STOX2: variants seen among roughly 807,000 people sequenced by gnomAD.
The protein encoded by STOX2 is storkhead-box protein 2.
STOX2 carries 28 observed loss-of-function variants against 60.9 expected under a neutral mutation model. The ratio of observed to expected loss-of-function variants is 0.46; its 90% confidence interval spans 0.34 to 0.63. The LOEUF (loss-of-function observed/expected upper bound fraction) is 0.63. STOX2 is among the 30% of genes least tolerant of loss of function. STOX2 has a pLI of 0.01. For synonymous variants in STOX2, 472 were observed against 463.9 expected, an observed-to-expected ratio of 1.02 and a Z score of -0.22; for missense variants, 1,024 against 1,187.7, an observed-to-expected ratio of 0.86 and a Z score of 2.03.
At chr4:183,860,026 T>C (rs1204831863) in intron 1 of STOX2, among the ~76,000 whole-genome samples, 1 of 152,240 alleles carries the variant, frequency 6.6e-6, no homozygotes, top group Admixed American at 6.5e-5. Context: ...AAAGCCTCTT[T>C]GCTGTTTAAA....
chr4:184,010,409 G>A lies in STOX2; in HGVS notation c.1571G>A (p.Ser524Asn), dbSNP rs1430133202. ...TGCAGCCAAGACGACCAGACCCCCA[G>A]CCAATCCTACATTGACGACAGTACT... ...EGCSQDDQTP[S>N]QSYIDDSTLR... The change falls in exon 3 of 4, where the codon AGC becomes AAC. Residue 524 changes from serine to asparagine, a missense_variant. This residue lies in a region of STOX2 where 922 missense variants were observed against 1,058.3 expected (regional missense o/e 0.87). Coordinates refer to ENST00000308497, the MANE Select transcript of STOX2 (RefSeq NM_020225.3). The surrounding 1 kb of genome is among the most constrained non-coding windows in gnomAD (Gnocchi z 4.5). The A allele has an allele frequency of 1.2e-6, 2 of 1,613,696 alleles. No homozygotes were observed. The highest frequency in any genetic ancestry group is 1.7e-6 in the Non-Finnish European group (2 of 1,179,808).
rs1734404963 is a variant in STOX2 at position 184,017,123 on chromosome 4, A to G, written c.2620A>G (p.Ile874Val). 1 of 1,613,672 alleles carries G rather than the reference A, an allele frequency of 6.2e-7. No individual in the cohort carries two copies. Among genetic ancestry groups the G allele is most frequent in the Non-Finnish European group, 8.5e-7 (1 of 1,179,764 alleles). Reference sequence around the variant, plus strand: ...GAGCCTGGCTTCCAACACATCAAGCATTGTTGAAAGTAACCGTCGTCAGAA... The same window carrying G: ...GAGCCTGGCTTCCAACACATCAAGCGTTGTTGAAAGTAACCGTCGTCAGAA... ...RESLASNTSSIVESNRRQNPA... is the reference protein window; with the variant it reads ...RESLASNTSSVVESNRRQNPA... The change falls in exon 4 of 4, where the codon ATT becomes GTT. Residue 874 changes from isoleucine to valine, a missense_variant. Coordinates refer to ENST00000308497, the MANE Select transcript of STOX2 (RefSeq NM_020225.3).
intron 1 of STOX2, among the ~76,000 whole-genome samples, chr4:183,915,419 G>C (rs1372012750): frequency 6.7e-6 from 1 of 148,494 alleles, no homozygotes; most frequent in African/African-American, 2.5e-5. Flanking sequence ...TGGGGTATTT[G>C]TCTTTTTTTT....
chr4:184,011,308 C>G lies in STOX2; in HGVS notation c.2470C>G (p.Leu824Val), dbSNP rs1734161993. The part of the protein sequence containing the change: ...LQRKFEKNLT[L>V]LAPKETDSSS... The stretch of plus-strand genomic sequence containing the variant: ...GAGGAAATTTGAAAAGAACCTCACC[C>G]TTCTTGCTCCAAAAGAAACCGACAG... The change falls in exon 3 of 4, where the codon CTT (leucine) becomes GTT (valine). Residue 824 changes from leucine to valine, a missense_variant. Around this residue, in one of 3 missense-constraint regions of STOX2, gnomAD observed 922 missense variants for 1,058.3 expected, o/e 0.87. Transcript: ENST00000308497. The surrounding 1 kb of genome is among the most constrained non-coding windows in gnomAD (Gnocchi z 4.4). The G allele has an allele frequency of 6.2e-7, 1 of 1,613,906 alleles. No individual in the cohort carries two copies.
rs1364263666 is a variant in STOX2, at chr4:183,947,471, GC to G, written c.166+40518del. Among the ~76,000 whole-genome samples, 5 of 151,988 alleles carry G rather than the reference GC, an allele frequency of 3.3e-5. No homozygotes were observed. The East Asian group carries it at 7.7e-4, about 24-fold the overall frequency. On this transcript the variant is annotated intron_variant, in intron 1 of 3. Coordinates refer to ENST00000308497, the MANE Select transcript of STOX2 (RefSeq NM_020225.3). ...TCTCAAAATATGCCCTGTTGCATTG[GC>G]CCTTTGGTTCTACACAGAACTCCAC...
chr4:183,934,343 ATGT>A (rs1456794053), intron 1 of STOX2, among the ~76,000 whole-genome samples: 3 of 152,258 alleles, frequency 2.0e-5, no homozygotes, highest in African/African-American at 4.8e-5. Context: ...AAAGAGGTAA[ATGT>A]TGTATTTAAT....
At chr4:183,818,552 C>G (rs1468600928) in intron 1 of STOX2, among the ~76,000 whole-genome samples, 3 of 152,264 alleles carry the variant, frequency 2.0e-5, no homozygotes, top group African/African-American at 7.2e-5. Flanking sequence ...ACATTTCCCC[C>G]TTTTCTATTC....
intron 1 of STOX2, among the ~76,000 whole-genome samples, chr4:183,839,965 GCCTT>G (rs1047744030): frequency 7.9e-5 from 12 of 152,070 alleles, no homozygotes; most frequent in African/African-American, 2.9e-4. Flanking sequence ...GTAAAATGTT[GCCTT>G]CGAGTAACAC....
rs916586967 is a variant in STOX2, at chr4:183,905,460, C to T, written c.-1331C>T. The stretch of plus-strand genomic sequence containing the variant: ...CTTCCAGGCTGCGTGGACCCGGCGC[C>T]CCGGCGTGTGCGGTTGTGGGGGAGC... On this transcript the variant is annotated 5_prime_UTR_variant, in exon 1 of 4. Transcript: ENST00000308497. 1 of 152,300 alleles carries T rather than the reference C, an allele frequency of 6.6e-6. No individual in the cohort carries two copies. Among genetic ancestry groups the T allele is most frequent in the African/African-American group, 2.4e-5 (1 of 41,470 alleles). The allele number at this position is 152,300 out of a possible 1,614,324, so 9.4% of individuals were successfully genotyped here. A position where few individuals can be genotyped will look rare whatever the true frequency, so the allele number is the denominator to read the frequency against.
chr4:183,878,296 A>C (rs1047477953), intron 1 of STOX2, among the ~76,000 whole-genome samples: 4 of 152,194 alleles, frequency 2.6e-5, no homozygotes, highest in Non-Finnish European at 5.9e-5. Flanking sequence ...GAATAAGAAA[A>C]ACTAAAATGC....
At chr4:183,911,674 C>A (rs1031143527) in intron 1 of STOX2, among the ~76,000 whole-genome samples, 2 of 152,134 alleles carry the variant, frequency 1.3e-5, no homozygotes, top group Non-Finnish European at 2.9e-5. Flanking sequence ...ACCTCCAGAG[C>A]AATTCTGGCC....
intron 1 of STOX2, among the ~76,000 whole-genome samples, chr4:183,931,339 G>A (rs944998640): frequency 9.9e-5 from 15 of 152,022 alleles, no homozygotes; most frequent in African/African-American, 2.7e-4. Context: ...CGGGAGAATC[G>A]CTTGAACCCA....
At chr4:183,819,060 AC>A (rs1426752907) in intron 1 of STOX2, among the ~76,000 whole-genome samples, 80 of 148,274 alleles carry the variant, frequency 5.4e-4, no homozygotes, top group African/African-American at 1.8e-3. Flanking sequence ...CACTTTCCAG[AC>A]TGGGCAGCCA....
rs1265734324 is a variant in STOX2 at position 183,994,360 on chromosome 4, A to C, written c.167-6965A>C. Among the ~76,000 whole-genome samples, 3 of 152,234 alleles carry C rather than the reference A, an allele frequency of 2.0e-5. No homozygotes were observed. In the East Asian group the frequency reaches 5.8e-4, roughly 29 times the overall value. On this transcript the variant is annotated intron_variant, in intron 1 of 3. Coordinates refer to ENST00000308497, the MANE Select transcript of STOX2 (RefSeq NM_020225.3). ...ACAAAAGGGGCACACATTAGTCCTGAGGAACAAAGCTGAGCAAGACTTTGA... is the reference window on the plus strand; with the variant it reads ...ACAAAAGGGGCACACATTAGTCCTGCGGAACAAAGCTGAGCAAGACTTTGA...
At chr4:183,843,446 G>A (rs905764182) in intron 1 of STOX2, among the ~76,000 whole-genome samples, 2 of 152,194 alleles carry the variant, frequency 1.3e-5, no homozygotes, top group African/African-American at 2.4e-5. Flanking sequence ...CAGAAACATT[G>A]TGTACCTTCC....
At chr4:183,916,633 A>G (rs1741938269) in intron 1 of STOX2, among the ~76,000 whole-genome samples, 1 of 152,200 alleles carries the variant, frequency 6.6e-6, no homozygotes, top group Non-Finnish European at 1.5e-5. Flanking sequence ...GCACCAACGT[A>G]ATATTAAAAG....
chr4:184,007,253 C>T (rs562451912), intron 2 of STOX2, among the ~76,000 whole-genome samples: 8 of 152,146 alleles, frequency 5.3e-5, no homozygotes, highest in African/African-American at 9.6e-5. Flanking sequence ...TGTATGTTAC[C>T]GCGCATTCAC....
intron 1 of STOX2, among the ~76,000 whole-genome samples, chr4:183,843,923 C>T (rs541288809): frequency 2.6e-5 from 4 of 152,060 alleles, no homozygotes; most frequent in Non-Finnish European, 4.4e-5. Context: ...ATTTTTTATA[C>T]GTAAATCATA....
upstream of STOX2, among the ~76,000 whole-genome samples, chr4:183,904,568 T>C (rs185915714): frequency 2.0e-3 from 308 of 152,356 alleles, no homozygotes; most frequent in African/African-American, 7.1e-3. Context: ...CATTAGTGAA[T>C]TGGTTGACAG....
Sources: gnomAD v4.1 joint callset for allele counts (sites outside exome capture counted in the v4.1 genomes callset) on GRCh38, gnomAD v4.1.1 for gene constraint, gnomAD v4.1.1 regional missense constraint, Gnocchi (gnomAD v3.1) non-coding constraint, MANE v1.5 for transcripts, NCBI Gene and HGNC (gene_info 2026-07-23, HGNC 2026-07-21) for gene names.